Variants in NYAP2 observed in about 807,000 individuals in gnomAD.
NYAP2 encodes neuronal tyrosine-phosphorylated phosphoinositide-3-kinase adapter 2.
NYAP2 carries 23 observed loss-of-function variants against 50.4 expected under a neutral mutation model. The ratio of observed to expected loss-of-function variants is 0.46; its 90% confidence interval spans 0.33 to 0.65. The LOEUF (loss-of-function observed/expected upper bound fraction) is 0.65. Among genes scored for constraint, NYAP2 ranks in the 30% least tolerant of loss-of-function variants. NYAP2 has a pLI of 0.02. For missense variants in NYAP2, 885 were observed against 861.0 expected, an observed-to-expected ratio of 1.03 and a Z score of -0.35; for synonymous variants, 394 against 365.2, an observed-to-expected ratio of 1.08 and a Z score of -0.90.
At chr2:225,672,664 G>C in the NYAP2 span, among the ~76,000 whole-genome samples, 3 of 152,098 alleles carry the variant, frequency 2.0e-5, no homozygotes, top group African/African-American at 7.2e-5. Context: ...TCTTCACTAA[G>C]CTTAATCATA....
At chr2:225,588,628 A>G (rs1240331922) in intron 5 of NYAP2, among the ~76,000 whole-genome samples, 1 of 152,230 alleles carries the variant, frequency 6.6e-6, no homozygotes, top group South Asian at 2.1e-4. Context: ...ATTATTTTGG[A>G]AAAAGTATTT....
At chr2:225,501,921 A>G (rs1302301735) in intron 3 of NYAP2, among the ~76,000 whole-genome samples, 1 of 152,232 alleles carries the variant, frequency 6.6e-6, no homozygotes, top group East Asian at 1.9e-4. Context: ...AGGAGGTGCT[A>G]TCACATGGAG....
intron 4 of NYAP2, among the ~76,000 whole-genome samples, chr2:225,563,325 A>G (rs1307674624): frequency 1.3e-5 from 2 of 152,138 alleles, no homozygotes; most frequent in Non-Finnish European, 2.9e-5. Flanking sequence ...TTAAGTAGCA[A>G]GGGAGGCAGG....
intron 4 of NYAP2, among the ~76,000 whole-genome samples, chr2:225,529,584 A>G (rs1269606395): frequency 1.3e-5 from 2 of 152,152 alleles, no homozygotes; most frequent in Admixed American, 6.5e-5. Context: ...CTCGGCCTCC[A>G]TAAGTGCTGG....
chr2:225,447,615 C>T (rs1436672766), intron 3 of NYAP2, among the ~76,000 whole-genome samples: 1 of 152,068 alleles, frequency 6.6e-6, no homozygotes, highest in Non-Finnish European at 1.5e-5. Context: ...CTCAAATCTA[C>T]TGTCAATTCT....
At chr2:225,644,277 T>C (rs1339676999) in intron 6 of NYAP2, among the ~76,000 whole-genome samples, 1 of 152,222 alleles carries the variant, frequency 6.6e-6, no homozygotes, top group African/African-American at 2.4e-5. Context: ...CACCCACTTT[T>C]TGATGGGGTT....
chr2:225,563,905 G>A (rs1219818191), intron 4 of NYAP2, among the ~76,000 whole-genome samples: 2 of 151,992 alleles, frequency 1.3e-5, no homozygotes, highest in Non-Finnish European at 2.9e-5. Flanking sequence ...ATGACTTGGG[G>A]GTGGGAAAAG....
intron 2 of NYAP2, among the ~76,000 whole-genome samples, chr2:225,408,385 C>G (rs540446520): frequency 6.6e-6 from 1 of 152,014 alleles, no homozygotes; most frequent in Non-Finnish European, 1.5e-5. Flanking sequence ...CAGATTCATA[C>G]ATTTTAATTT....
At chr2:225,427,127 G>A (rs952122628) in intron 3 of NYAP2, among the ~76,000 whole-genome samples, 2 of 152,146 alleles carry the variant, frequency 1.3e-5, no homozygotes, top group African/African-American at 4.8e-5. Flanking sequence ...TGACCTCTGA[G>A]CAGAAAAGCT....
the NYAP2 span, among the ~76,000 whole-genome samples, chr2:225,678,248 A>T: frequency 6.6e-6 from 1 of 151,906 alleles, no homozygotes; most frequent in African/African-American, 2.4e-5. Flanking sequence ...TTTCTGTGGG[A>T]GCGGTTGTAA....
chr2:225,594,530 AT>A (rs1469768913), intron 5 of NYAP2, among the ~76,000 whole-genome samples: 10 of 152,292 alleles, frequency 6.6e-5, no homozygotes, highest in African/African-American at 2.4e-4. Flanking sequence ...CTAAAAAAAA[AT>A]AATAAAATAA....
At chr2:225,589,243 A>G (rs765646553) in intron 5 of NYAP2, among the ~76,000 whole-genome samples, 1 of 152,074 alleles carries the variant, frequency 6.6e-6, no homozygotes, top group Non-Finnish European at 1.5e-5. Flanking sequence ...GGTCTTGCCT[A>G]GAGTTCTGGA....
At chr2:225,461,673 T>C (rs577135069) in intron 3 of NYAP2, among the ~76,000 whole-genome samples, 4 of 152,218 alleles carry the variant, frequency 2.6e-5, no homozygotes, top group Admixed American at 1.3e-4. Context: ...AATTCTTTTA[T>C]CTACAAAGTA....
the NYAP2 span, among the ~76,000 whole-genome samples, chr2:225,673,611 T>C: frequency 6.6e-6 from 1 of 152,180 alleles, no homozygotes; most frequent in Non-Finnish European, 1.5e-5. Flanking sequence ...AATTTTTCTT[T>C]AGGCAGTGAT....
intron 2 of NYAP2, among the ~76,000 whole-genome samples, chr2:225,403,101 A>C (rs1432586503): frequency 6.6e-6 from 1 of 151,982 alleles, no homozygotes; most frequent in Non-Finnish European, 1.5e-5. Flanking sequence ...CCTGCTAAAC[A>C]AAAACAACAA....
chr2:225,639,313 ATTTAAG>A (rs1018034271), intron 6 of NYAP2, among the ~76,000 whole-genome samples: 1 of 152,320 alleles, frequency 6.6e-6, no homozygotes, highest in African/African-American at 2.4e-5. Context: ...GAGTTGTGGA[ATTTAAG>A]TTTATTACCT....
intron 4 of NYAP2, among the ~76,000 whole-genome samples, chr2:225,543,561 T>C (rs1691514228): frequency 6.6e-6 from 1 of 152,100 alleles, no homozygotes; most frequent in South Asian, 2.1e-4. Context: ...TTGTATAGTT[T>C]CCAAAGTTCC....
exon 4 of NYAP2, chr2:225,513,484 G>A (rs754810478): frequency 6.2e-7 from 1 of 1,613,940 alleles, no homozygotes; most frequent in South Asian, 1.1e-5. Flanking sequence ...CCTTGCTCCA[G>A]TGGCTTTTCT....
In NYAP2 at chr2:225,582,694, C is replaced by T. The variant is rs772914553; in HGVS notation, c.1277C>T (p.Pro426Leu). ...TCTACGCTGTACCGAACCCAGTCTCCCCATGGCTACCCTAAAAGTCACTCC... is the reference window on the plus strand; with the variant it reads ...TCTACGCTGTACCGAACCCAGTCTCTCCATGGCTACCCTAAAAGTCACTCC... The change falls in exon 5 of 7, where the codon CCC (proline) becomes CTC (leucine). Residue 426 changes from proline (P) to leucine (L), a missense_variant. By Grantham distance (98) the Pro-to-Leu change is moderately conservative. Coordinates refer to ENST00000636099, the Ensembl canonical transcript of NYAP2. The surrounding 1 kb of genome is among the most constrained non-coding windows in gnomAD (Gnocchi z 7.0). 1.9e-6 allele frequency: 3 copies of T among 1,606,034 alleles called. No homozygotes were observed. Among genetic ancestry groups the T allele is most frequent in the South Asian group, 1.1e-5 (1 of 89,908 alleles).
Sources: allele counts gnomAD v4.1 joint callset (sites outside exome capture counted in the v4.1 genomes callset), GRCh38; gene constraint gnomAD v4.1.1; non-coding constraint Gnocchi (gnomAD v3.1); transcripts MANE v1.5; gene names NCBI Gene and HGNC (gene_info 2026-07-23, HGNC 2026-07-21).